CXADR: variants seen among roughly 807,000 people sequenced by gnomAD.
The protein encoded by CXADR is coxsackievirus and adenovirus receptor.
Under a neutral mutation model 40.3 loss-of-function variants are expected in CXADR, and 20 were observed. The observed-to-expected ratio is 0.50, with a 90% confidence interval of 0.35 to 0.72. The LOEUF is 0.72. CXADR is among the 30% of genes least tolerant of loss of function. The probability of loss-of-function intolerance (pLI) is 0.01; values close to 1 mark genes in which losing one functional copy is unlikely to be tolerated. For missense variants in CXADR, 332 were observed against 449.1 expected (o/e 0.74, Z 2.36); for synonymous variants, 150 against 161.3 (o/e 0.93, Z 0.53).
intron 1 of CXADR, among the ~76,000 whole-genome samples, chr21:17,530,114 AT>A (rs56341807): frequency 1.4e-4 from 13 of 94,956 alleles, no homozygotes; most frequent in African/African-American, 3.6e-4. Context: ...ATGCCAGGCT[AT>A]TTTTTTTTTT....
chr21:17,592,861 A>G (rs1309025321), intron 7 of CXADR, among the ~76,000 whole-genome samples: 1 of 115,520 alleles, frequency 8.7e-6, no homozygotes, highest in Non-Finnish European at 1.7e-5. Context: ...TGAAGTTGCA[A>G]ACTTTAAAAA....
chr21:17,592,898 A>T (rs567964865), intron 7 of CXADR, among the ~76,000 whole-genome samples: 77 of 152,014 alleles, frequency 5.1e-4, no homozygotes, highest in Middle Eastern at 3.4e-3. Flanking sequence ...ATTGAGCTAT[A>T]CCTTTATGAT....
intron 1 of CXADR, among the ~76,000 whole-genome samples, chr21:17,515,731 G>A (rs563056355): frequency 6.6e-6 from 1 of 152,116 alleles, no homozygotes; most frequent in African/African-American, 2.4e-5. Context: ...GCGTGAACCC[G>A]GGAGGCGTAG....
chr21:17,522,190 C>A (rs2060539381), intron 1 of CXADR, among the ~76,000 whole-genome samples: 1 of 151,670 alleles, frequency 6.6e-6, no homozygotes, highest in Admixed American at 6.6e-5. Flanking sequence ...CTCTTGTTGC[C>A]CAGGCTAGAG....
chr21:17,567,391 T>C lies in CXADR; in HGVS notation c.*1699T>C. 1 of 984,948 alleles carries C rather than the reference T, an allele frequency of 1.0e-6. No individual in the cohort carries two copies. The highest frequency in any genetic ancestry group is 1.2e-6 in the Non-Finnish European group (1 of 829,456). 61.0% of individuals were successfully genotyped at this position (984,948 alleles called of 1,614,324 possible). A position where few individuals can be genotyped will look rare whatever the true frequency, so the allele number is the denominator to read the frequency against. ...TTATGTAAAATTACTTTTATACTCG[T>C]GTTAACATTTTCATCTGTGCCTTTT... On this transcript the variant is annotated 3_prime_UTR_variant, in exon 7 of 7. Coordinates refer to ENST00000284878, the MANE Select transcript of CXADR (RefSeq NM_001338.5).
intron 7 of CXADR, among the ~76,000 whole-genome samples, chr21:17,583,092 CAAG>C (rs1365611491): frequency 6.6e-6 from 1 of 152,064 alleles, no homozygotes; most frequent in East Asian, 1.9e-4. Flanking sequence ...TTTAATCTGA[CAAG>C]GAGGGGACAT....
intron 1 of CXADR, among the ~76,000 whole-genome samples, chr21:17,533,302 T>G (rs2060702171): frequency 6.6e-6 from 1 of 152,216 alleles, no homozygotes; most frequent in Non-Finnish European, 1.5e-5. Context: ...CTGAACCATG[T>G]GCCACCTAAA....
At chr21:17,554,682 C>T (rs755482149) in intron 3 of CXADR, among the ~76,000 whole-genome samples, 2 of 152,228 alleles carry the variant, frequency 1.3e-5, no homozygotes, top group South Asian at 2.1e-4. Flanking sequence ...TATATTCTCT[C>T]GAAGGTGAAA....
chr21:17,572,000 G>A (rs2246741), downstream of CXADR, among the ~76,000 whole-genome samples: 139,035 of 152,208 alleles, frequency 0.91, 63,731 homozygotes, highest in Non-Finnish European at 0.96. Context: ...TATGGACACT[G>A]GGGACAAATA....
chr21:17,584,055 T>C (rs547907786), intron 7 of CXADR, among the ~76,000 whole-genome samples: 55 of 152,376 alleles, frequency 3.6e-4, no homozygotes, highest in African/African-American at 1.2e-3. Flanking sequence ...TGTGTGTGTA[T>C]GTGTATGCAA....
chr21:17,577,411 C>T (rs1400182182), intron 7 of CXADR, among the ~76,000 whole-genome samples: 8 of 152,030 alleles, frequency 5.3e-5, no homozygotes, highest in Non-Finnish European at 7.4e-5. Context: ...ATTAAGTTGA[C>T]GTTCCATAAC....
At chr21:17,513,981 C>T (rs1182887821) in intron 1 of CXADR, among the ~76,000 whole-genome samples, 1 of 152,102 alleles carries the variant, frequency 6.6e-6, no homozygotes, top group Non-Finnish European at 1.5e-5. Context: ...GTCGACTGCT[C>T]CTTTCTCTGG....
chr21:17,534,104 T>TA (rs1380419177), intron 1 of CXADR, among the ~76,000 whole-genome samples: 56 of 60,326 alleles, frequency 9.3e-4, no homozygotes, highest in African/African-American at 1.8e-3. Context: ...ATATATATTT[T>TA]TTTTTTTTTT....
At chr21:17,558,117 A>G (rs867532121) in intron 3 of CXADR, among the ~76,000 whole-genome samples, 6 of 151,076 alleles carry the variant, frequency 4.0e-5, no homozygotes, top group Non-Finnish European at 8.8e-5. Context: ...TTTTTTACAC[A>G]TGAATTTCCA....
In CXADR at chr21:17,569,083, T is replaced by C. The variant is rs1452445746; in HGVS notation, c.*3391T>C. On this transcript the variant is annotated 3_prime_UTR_variant, in exon 7 of 7. Transcript: ENST00000284878. ...TTTGATGAAATATAAAAGGAACTCA[T>C]TGCATGAAGTTGACTATCAAATTCT... 1 of 985,440 alleles carries C rather than the reference T, an allele frequency of 1.0e-6. No homozygotes were observed. Among genetic ancestry groups the C allele is most frequent in the Non-Finnish European group, 1.2e-6 (1 of 829,926 alleles). 61.0% of individuals were successfully genotyped at this position (985,440 alleles called of 1,614,324 possible).
chr21:17,566,565 T>G lies in CXADR; in HGVS notation c.*873T>G, dbSNP rs2061211307. On this transcript the variant is annotated 3_prime_UTR_variant, in exon 7 of 7. Transcript: ENST00000284878. ...AGTTCCCAGGTGATATTTTTCTTAT[T>G]AGAAAAATATTATAACTCATTTGTT... 1 of 981,278 alleles carries G rather than the reference T, an allele frequency of 1.0e-6. No individual in the cohort carries two copies. The highest frequency in any genetic ancestry group is 1.7e-5 in the African/African-American group (1 of 57,236). 60.8% of individuals were successfully genotyped at this position (981,278 alleles called of 1,614,324 possible).
At chr21:17,574,490 A>G (rs1449481825), downstream of CXADR, among the ~76,000 whole-genome samples, 1 of 152,192 alleles carries the variant, frequency 6.6e-6, no homozygotes, top group Non-Finnish European at 1.5e-5. Flanking sequence ...TAAGCTAGGA[A>G]AGACAGAAGG....
the CXADR span, among the ~76,000 whole-genome samples, chr21:17,635,437 T>G: frequency 1.3e-5 from 2 of 152,294 alleles, no homozygotes; most frequent in South Asian, 4.1e-4. Flanking sequence ...AATTAGAATT[T>G]TTCTTTCCCA....
chr21:17,600,386 AAGT>A, the CXADR span, among the ~76,000 whole-genome samples: 7 of 152,262 alleles, frequency 4.6e-5, no homozygotes, highest in Non-Finnish European at 1.0e-4. Flanking sequence ...AAGTAACTCT[AAGT>A]AGAAATAATG....
Sources: gnomAD v4.1 joint callset for allele counts (sites outside exome capture counted in the v4.1 genomes callset) on GRCh38, gnomAD v4.1.1 for gene constraint, MANE v1.5 for transcripts, NCBI Gene and HGNC (gene_info 2026-07-23, HGNC 2026-07-21) for gene names.